Variants in ZNF609 observed in about 807,000 individuals in gnomAD.
ZNF609 encodes zinc finger protein 609.
A neutral mutation model predicts 109.5 loss-of-function variants in ZNF609; 11 were observed. That is an observed-to-expected ratio of 0.10 (90% CI 0.06 to 0.17). The LOEUF (loss-of-function observed/expected upper bound fraction) is 0.17, where lower values mean the gene tolerates loss of function less well. Among genes scored for constraint, ZNF609 ranks in the 10% least tolerant of loss-of-function variants. The pLI is 1.00. For synonymous variants in ZNF609, 646 were observed against 662.0 expected, an observed-to-expected ratio of 0.98 and a Z score of 0.37; for missense variants, 1,559 against 1,772.4, an observed-to-expected ratio of 0.88 and a Z score of 2.16.
chr15:64,528,554 CTG>C (rs1894006962), intron 2 of ZNF609: 5 of 577,370 alleles, frequency 8.7e-6, no homozygotes, highest in South Asian at 5.8e-5. Context: ...TGCATGGAAA[CTG>C]TGAGGAGGGG....
In ZNF609 at chr15:64,516,362, G is replaced by GT. The variant is rs140397428; in HGVS notation, c.747+16203dup. 3.2e-3 allele frequency among the ~76,000 whole-genome samples: 480 copies of GT among 152,114 alleles called. 1 individual carries two copies. The highest frequency in any genetic ancestry group is 0.011 in the African/African-American group (460 of 41,490). On this transcript the variant is annotated intron_variant, in intron 2 of 9. Transcript: ENST00000326648. Reference sequence around the variant, plus strand: ...TAAGCAGAAACCTCATAGAGGTGGGGTTTTTTTGTTTGTTTTTGCTTTGTT... The same window carrying GT: ...TAAGCAGAAACCTCATAGAGGTGGGGTTTTTTTTGTTTGTTTTTGCTTTGTT...
rs1357993024 is a variant in ZNF609, at chr15:64,685,360, A to G, written c.*3674A>G. On this transcript the variant is annotated 3_prime_UTR_variant, in exon 10 of 10. Coordinates refer to ENST00000326648, the MANE Select transcript of ZNF609 (RefSeq NM_015042.2). Reference sequence around the variant, plus strand: ...TTCCTGTTCTCCCTCAGCTCTCCTGATCTTCCTGGCCCTGCTCCATATGCA... The same window carrying G: ...TTCCTGTTCTCCCTCAGCTCTCCTGGTCTTCCTGGCCCTGCTCCATATGCA... 2.0e-5 allele frequency: 3 copies of G among 152,344 alleles called. No homozygotes were observed. Among genetic ancestry groups the G allele is most frequent in the Non-Finnish European group, 4.4e-5 (3 of 68,030 alleles). 9.4% of individuals were successfully genotyped at this position (152,344 alleles called of 1,614,324 possible).
At chr15:64,640,595 TGCTAGGTCATAAA>T (rs1896239882) in intron 3 of ZNF609, among the ~76,000 whole-genome samples, 1 of 152,224 alleles carries the variant, frequency 6.6e-6, no homozygotes, top group South Asian at 2.1e-4. Flanking sequence ...TAGTTCCTTC[TGCTAGGTCATAAA>T]GCAGTAAAGC....
chr15:64,657,725 C>G (rs1294996527), intron 3 of ZNF609, among the ~76,000 whole-genome samples: 1 of 152,134 alleles, frequency 6.6e-6, no homozygotes, highest in Non-Finnish European at 1.5e-5. Context: ...TTGGGATAGT[C>G]TACAGGTAAG....
chr15:64,651,786 G>A (rs898683254), intron 3 of ZNF609, among the ~76,000 whole-genome samples: 5 of 152,212 alleles, frequency 3.3e-5, no homozygotes, highest in African/African-American at 9.7e-5. Context: ...TGAGGGAGCA[G>A]GCCTGGTTAG....
intron 2 of ZNF609, among the ~76,000 whole-genome samples, chr15:64,530,868 G>A (rs1894050816): frequency 6.6e-6 from 1 of 152,198 alleles, no homozygotes; most frequent in South Asian, 2.1e-4. Flanking sequence ...CCATCTTAAG[G>A]AAATTAGTTG....
chr15:64,536,027 T>C (rs1894136494), intron 2 of ZNF609, among the ~76,000 whole-genome samples: 1 of 152,150 alleles, frequency 6.6e-6, no homozygotes, highest in Admixed American at 6.5e-5. Context: ...CACCATTTTC[T>C]AACTGAGTGA....
chr15:64,595,768 A>G (rs1195472933), intron 2 of ZNF609, among the ~76,000 whole-genome samples: 1 of 152,286 alleles, frequency 6.6e-6, no homozygotes, highest in Admixed American at 6.5e-5. Context: ...AATTACTCCA[A>G]TGTGTAAATC....
intron 2 of ZNF609, among the ~76,000 whole-genome samples, chr15:64,561,552 CTT>C (rs771022478): frequency 1.0e-4 from 13 of 129,884 alleles, no homozygotes; most frequent in Non-Finnish European, 1.5e-4. Context: ...TTTTCTTTTT[CTT>C]TTTTTTTTTT....
intron 2 of ZNF609, among the ~76,000 whole-genome samples, chr15:64,580,598 T>C (rs1356996775): frequency 6.6e-6 from 1 of 151,014 alleles, no homozygotes; most frequent in Non-Finnish European, 1.5e-5. Context: ...TCGCCTAGGC[T>C]GGAGTGTAGT....
At chr15:64,510,744 C>T (rs925346218) in intron 2 of ZNF609, among the ~76,000 whole-genome samples, 20 of 151,982 alleles carry the variant, frequency 1.3e-4, no homozygotes, top group African/African-American at 4.8e-4. Context: ...AGGTTTTACC[C>T]TAAAATGTTT....
intron 3 of ZNF609, among the ~76,000 whole-genome samples, chr15:64,658,565 TACAC>T (rs112798266): frequency 4.0e-5 from 6 of 150,856 alleles, no homozygotes; most frequent in South Asian, 4.2e-4. Context: ...TTGAAAGATA[TACAC>T]ACACACACAC....
At chr15:64,679,141 C>T (rs997940852) in intron 6 of ZNF609, among the ~76,000 whole-genome samples, 1 of 152,176 alleles carries the variant, frequency 6.6e-6, no homozygotes, top group Non-Finnish European at 1.5e-5. Flanking sequence ...GGCGTGATCT[C>T]GGCTCACCAC....
In ZNF609 at chr15:64,490,269, G is replaced by GT. The variant is rs1398055637; in HGVS notation, c.-127-9022dup. On this transcript the variant is annotated intron_variant, in intron 1 of 9. Transcript: ENST00000326648. ...CATAAGCCACTGCACCCGGCCAGTAGTTGTTTTTTTTTTTTTTTTTCGAGA... is the reference window on the plus strand; with the variant it reads ...CATAAGCCACTGCACCCGGCCAGTAGTTTGTTTTTTTTTTTTTTTTTCGAGA... 9.0e-4 allele frequency among the ~76,000 whole-genome samples: 15 copies of GT among 16,692 alleles called. 1 individual carries two copies. Among genetic ancestry groups the GT allele is most frequent in the Admixed American group, 3.8e-3 (3 of 796 alleles). 11.0% of individuals were successfully genotyped at this position (16,692 alleles called of 152,430 possible).
intron 2 of ZNF609, among the ~76,000 whole-genome samples, chr15:64,524,252 A>C (rs113665224): frequency 6.6e-6 from 1 of 152,194 alleles, no homozygotes; most frequent in Non-Finnish European, 1.5e-5. Context: ...TAGAAATTTC[A>C]TGTAAATGGA....
chr15:64,681,204 C>A, intron 8 of ZNF609, 105 bp from the exon 9 acceptor site: 1 of 971,356 alleles, frequency 1.0e-6, no homozygotes, highest in Non-Finnish European at 1.6e-6. Flanking sequence ...ATATATCTGG[C>A]TGAGTATCAG....
intron 2 of ZNF609, among the ~76,000 whole-genome samples, chr15:64,507,799 T>G (rs2140355741): frequency 6.6e-6 from 1 of 152,272 alleles, no homozygotes; most frequent in East Asian, 1.9e-4. Flanking sequence ...GGAAGATGGC[T>G]TTTCTCTTCA....
intron 2 of ZNF609, among the ~76,000 whole-genome samples, chr15:64,530,181 A>G (rs1006768458): frequency 7.9e-5 from 12 of 151,344 alleles, no homozygotes; most frequent in African/African-American, 2.9e-4. Context: ...CGCCTGGCTA[A>G]TTTTTGTATT....
At chr15:64,645,985 A>C (rs1567038300) in intron 3 of ZNF609, among the ~76,000 whole-genome samples, 1 of 152,238 alleles carries the variant, frequency 6.6e-6, no homozygotes, top group Non-Finnish European at 1.5e-5. Context: ...TGGATCCTCA[A>C]AAAGCTAAAC....
Sources: gnomAD v4.1 joint callset for allele counts (sites outside exome capture counted in the v4.1 genomes callset) on GRCh38, gnomAD v4.1.1 for gene constraint, MANE v1.5 for transcripts, NCBI Gene and HGNC (gene_info 2026-07-23, HGNC 2026-07-21) for gene names.